Variants in MYO16 observed in about 807,000 individuals in gnomAD.
The protein encoded by MYO16 is myosin XVI.
MYO16 carries 94 observed loss-of-function variants against 205.3 expected under a neutral mutation model. The observed-to-expected ratio is 0.46, with a 90% confidence interval of 0.39 to 0.54. MYO16 has a LOEUF of 0.54. Ranked by LOEUF, MYO16 falls within the 20% of genes least tolerant of loss-of-function variation. The pLI, the probability that MYO16 is intolerant of heterozygous loss-of-function variation, is 0.00. For missense variants in MYO16, 2,315 were observed against 2,387.5 expected (o/e 0.97, Z 0.63); for synonymous variants, 988 against 954.0 (o/e 1.04, Z -0.66).
chr13:108,831,180 A>G (rs933347875), intron 9 of MYO16, among the ~76,000 whole-genome samples: 1 of 152,118 alleles, frequency 6.6e-6, no homozygotes, highest in Non-Finnish European at 1.5e-5. Flanking sequence ...TTGGGTTTCA[A>G]TAGATAAATG....
intron 16 of MYO16, among the ~76,000 whole-genome samples, chr13:108,950,045 A>G (rs1420332573): frequency 6.6e-6 from 1 of 152,196 alleles, no homozygotes; most frequent in East Asian, 1.9e-4. Flanking sequence ...GAAAAAATCA[A>G]GATGATCAGA....
chr13:109,078,334 G>A (rs1440231686), intron 27 of MYO16, among the ~76,000 whole-genome samples: 2 of 152,022 alleles, frequency 1.3e-5, no homozygotes, highest in African/African-American at 2.4e-5. Flanking sequence ...AGCTATTCAG[G>A]AGGCTGAGGC....
Position 109,019,456 on chromosome 13 carries a change from G to A in MYO16, c.2596-255G>A, listed in dbSNP as rs569905727. ...AAAATGTACTTTTTAAATAACTACA[G>A]TATTTTAATGACATTACAATACGTT... is the stretch of plus-strand genomic sequence containing the variant. On this transcript the variant is annotated intron_variant, in intron 22 of 34. Coordinates refer to ENST00000457511, the MANE Select transcript of MYO16 (RefSeq NM_001198950.3). Among the ~76,000 whole-genome samples the A allele has an allele frequency of 3.8e-4, 58 of 152,172 alleles. 3 individuals carry two copies. In the South Asian group the frequency reaches 0.011, roughly 29 times the overall value.
At chr13:108,604,848 C>A (rs1307708895) in intron 1 of MYO16, among the ~76,000 whole-genome samples, 2 of 152,150 alleles carry the variant, frequency 1.3e-5, no homozygotes, top group Non-Finnish European at 2.9e-5. Flanking sequence ...CACTTGTATA[C>A]CTCTGCACAG....
At chr13:108,904,710 A>AT (rs1159309917) in intron 15 of MYO16, among the ~76,000 whole-genome samples, 1 of 152,146 alleles carries the variant, frequency 6.6e-6, no homozygotes, top group Admixed American at 6.6e-5. Context: ...AGAAAAAAAA[A>AT]GTTCCTGCCC....
chr13:109,103,002 A>T (rs1889018719), intron 28 of MYO16, among the ~76,000 whole-genome samples: 1 of 152,190 alleles, frequency 6.6e-6, no homozygotes, highest in African/African-American at 2.4e-5. Context: ...TTGTCTAGTC[A>T]GAAAAGACAG....
At chr13:108,746,968 C>G (rs934065442) in intron 4 of MYO16, among the ~76,000 whole-genome samples, 15 of 152,122 alleles carry the variant, frequency 9.9e-5, no homozygotes, top group African/African-American at 3.6e-4. Flanking sequence ...GGGCTTCTCT[C>G]TAGAAATTAT....
chr13:109,155,108 T>G (rs1396821190), intron 32 of MYO16, among the ~76,000 whole-genome samples: 1 of 152,190 alleles, frequency 6.6e-6, no homozygotes, highest in Non-Finnish European at 1.5e-5. Flanking sequence ...ATACTGACAG[T>G]CATTTTTTAG....
chr13:109,028,705 T>C (rs1344564947), intron 23 of MYO16, among the ~76,000 whole-genome samples: 1 of 150,866 alleles, frequency 6.6e-6, no homozygotes, highest in Non-Finnish European at 1.5e-5. Flanking sequence ...TTTGATTGTA[T>C]TTGTCAGGAT....
intron 4 of MYO16, among the ~76,000 whole-genome samples, chr13:108,772,351 A>G (rs570956828): frequency 5.0e-4 from 75 of 150,584 alleles, no homozygotes; most frequent in Non-Finnish European, 8.4e-4. Context: ...CCCTGTCTCA[A>G]AAGAAAGAAA....
rs557796542 is a variant in MYO16 at position 108,785,513 on chromosome 13, A to T, written c.508-122A>T. On this transcript the variant is annotated intron_variant, in intron 4 of 34. Coordinates refer to ENST00000457511, the MANE Select transcript of MYO16 (RefSeq NM_001198950.3). ...ATTCGAGCTTCCTACCCGATTCTTC[A>T]GGGTGATATCTACCGTAGACTATTT... The T allele has an allele frequency of 1.2e-5, 6 of 496,228 alleles. 1 individual carries two copies. The highest frequency in any genetic ancestry group is 9.7e-5 in the African/African-American group (5 of 51,406). The allele number at this position is 496,228 out of a possible 1,614,324, so 30.7% of individuals were successfully genotyped here. A position where few individuals can be genotyped will look rare whatever the true frequency, so the allele number is the denominator to read the frequency against.
the MYO16 span, among the ~76,000 whole-genome samples, chr13:108,524,371 C>T: frequency 1.3e-5 from 2 of 151,964 alleles, no homozygotes; most frequent in Admixed American, 6.6e-5. Context: ...CTGACTCTCT[C>T]CCTCTCTCTT....
At chr13:109,043,395 G>T (rs766438937) in intron 23 of MYO16, among the ~76,000 whole-genome samples, 2 of 152,050 alleles carry the variant, frequency 1.3e-5, no homozygotes, top group East Asian at 1.9e-4. Flanking sequence ...CCAGTTGTGC[G>T]TGTGTGTGCA....
At chr13:108,766,549 T>G (rs1019561094) in intron 4 of MYO16, among the ~76,000 whole-genome samples, 13 of 152,196 alleles carry the variant, frequency 8.5e-5, no homozygotes, top group Non-Finnish European at 1.0e-4. Context: ...GGGTTGCTTT[T>G]GGAATGACCC....
At chr13:108,573,053 A>G in the MYO16 span, among the ~76,000 whole-genome samples, 1 of 152,196 alleles carries the variant, frequency 6.6e-6, no homozygotes, top group Non-Finnish European at 1.5e-5. Flanking sequence ...AACATGCAGA[A>G]TCTCTCAATG....
intron 1 of MYO16, among the ~76,000 whole-genome samples, chr13:108,640,058 C>T (rs976753309): frequency 2.0e-5 from 3 of 152,098 alleles, no homozygotes; most frequent in African/African-American, 7.2e-5. Flanking sequence ...GTGAGAGATG[C>T]CTATTTGAAA....
the MYO16 span, among the ~76,000 whole-genome samples, chr13:108,502,144 T>C: frequency 6.6e-6 from 1 of 151,664 alleles, no homozygotes; most frequent in Non-Finnish European, 1.5e-5. Flanking sequence ...ACCCAGGAGG[T>C]GGAGGTTGCA....
chr13:109,026,956 A>T (rs1886382861), intron 23 of MYO16, among the ~76,000 whole-genome samples: 1 of 152,220 alleles, frequency 6.6e-6, no homozygotes, highest in Non-Finnish European at 1.5e-5. Context: ...TCAGTGATTC[A>T]TCAAAGATTG....
chr13:109,073,370 C>T (rs948421286), intron 27 of MYO16, among the ~76,000 whole-genome samples: 13 of 151,900 alleles, frequency 8.6e-5, no homozygotes, highest in African/African-American at 2.9e-4. Context: ...CTTGGCCTCC[C>T]GAAGTTGTGT....
Sources: allele counts gnomAD v4.1 joint callset (sites outside exome capture counted in the v4.1 genomes callset), GRCh38; gene constraint gnomAD v4.1.1; transcripts MANE v1.5; gene names NCBI Gene and HGNC (gene_info 2026-07-23, HGNC 2026-07-21).